BNC1: variants seen among roughly 807,000 people sequenced by gnomAD.
The protein encoded by BNC1 is basonuclin zinc finger protein 1, also known as zinc finger protein basonuclin-1.
In BNC1, 8 loss-of-function variants were observed where a neutral mutation model predicts 66.5. The observed-to-expected ratio is 0.12, with a 90% confidence interval of 0.07 to 0.22. The LOEUF (loss-of-function observed/expected upper bound fraction) is 0.22. Among genes scored for constraint, BNC1 ranks in the 10% least tolerant of loss-of-function variants. The pLI, the probability that BNC1 is intolerant of heterozygous loss-of-function variation, is 1.00. For missense variants in BNC1, 1,069 were observed against 1,241.3 expected (o/e 0.86, Z 2.09); for synonymous variants, 454 against 452.6 (o/e 1.00, Z -0.04).
At position 83,257,524 on chromosome 15, in the gene BNC1, G is replaced by A. The variant is rs968421847; in HGVS notation, c.2903C>T (p.Ser968Leu). Residue 968 changes from serine (S) to leucine (L), a missense_variant, in exon 5 of 5, where the codon TCG (serine) becomes TTG (leucine). Ser to Leu is a moderately radical substitution (Grantham distance 145, BLOSUM62 -2). Transcript: ENST00000345382. ...GTGTCTGTTTCGACTGCGAACAGACGAAAACATGGTGTTGCAGCCTGGTAC... is the reference window on the plus strand; with the variant it reads ...GTGTCTGTTTCGACTGCGAACAGACAAAAACATGGTGTTGCAGCCTGGTAC... ...CKVPGCNTMF[S>L]SVRSRNRHSQ... 25 of 1,614,082 alleles carry A rather than the reference G, an allele frequency of 1.5e-5. No individual in the cohort carries two copies. The highest frequency in any genetic ancestry group is 1.9e-5 in the Non-Finnish European group (23 of 1,180,042).
intron 1 of BNC1, among the ~76,000 whole-genome samples, chr15:83,270,281 C>A (rs1283249262): frequency 6.6e-6 from 1 of 152,206 alleles, no homozygotes; most frequent in Non-Finnish European, 1.5e-5. Flanking sequence ...AATTTTGGAA[C>A]ATTTTCATCT....
chr15:83,283,248 A>G (rs2038401190), intron 1 of BNC1: 4 of 1,535,300 alleles, frequency 2.6e-6, no homozygotes, highest in Non-Finnish European at 3.5e-6. Flanking sequence ...GCGCTGATTA[A>G]TATCAGATCT....
chr15:83,270,677 GTTGT>G (rs1716811283), intron 1 of BNC1, among the ~76,000 whole-genome samples: 1 of 151,956 alleles, frequency 6.6e-6, no homozygotes, highest in African/African-American at 2.4e-5. Context: ...TTTAAATTGG[GTTGT>G]TTACCTTTTT....
intron 2 of BNC1, 51 bp downstream of exon 2, chr15:83,268,082 G>C (rs774142893): frequency 6.8e-7 from 1 of 1,463,454 alleles, no homozygotes; most frequent in Non-Finnish European, 9.6e-7. Context: ...ATAACTCTAA[G>C]TTACTTAGAG....
chr15:83,272,394 C>CTTTTTTTTTTTTTTTTTTTTTT (rs750429207), intron 1 of BNC1, among the ~76,000 whole-genome samples: 4 of 122,724 alleles, frequency 3.3e-5, no homozygotes, highest in South Asian at 2.5e-4. Context: ...CCACACCTGG[C>CTTTTTTTTTTTTTTTTTTTTTT]TTTTTTTTTT....
At chr15:83,276,332 G>C (rs961208716) in intron 1 of BNC1, among the ~76,000 whole-genome samples, 7 of 152,202 alleles carry the variant, frequency 4.6e-5, no homozygotes, top group Non-Finnish European at 1.5e-5. Context: ...AATCATTCCT[G>C]CAAGAGGCAA....
chr15:83,274,928 T>C (rs1319322841), intron 1 of BNC1, among the ~76,000 whole-genome samples: 1 of 152,206 alleles, frequency 6.6e-6, no homozygotes, highest in African/African-American at 2.4e-5. Flanking sequence ...ACTACAGTTA[T>C]GGTTTCATTT....
chr15:83,270,574 T>C (rs1429366442), intron 1 of BNC1, among the ~76,000 whole-genome samples: 1 of 152,204 alleles, frequency 6.6e-6, no homozygotes, highest in Non-Finnish European at 1.5e-5. Context: ...TGCATTCCCC[T>C]GATGGCGAAT....
At chr15:83,280,980 A>G (rs2038371620) in intron 1 of BNC1, among the ~76,000 whole-genome samples, 1 of 152,116 alleles carries the variant, frequency 6.6e-6, no homozygotes, top group South Asian at 2.1e-4. Context: ...TCCTCCTGTG[A>G]TTTGTTAGGC....
chr15:83,260,715 C>T (rs2038130845), intron 4 of BNC1, among the ~76,000 whole-genome samples: 1 of 152,182 alleles, frequency 6.6e-6, no homozygotes, highest in African/African-American at 2.4e-5. Context: ...AATAAGCATC[C>T]AGGGTGTTGT....
At chr15:83,283,047 A>T in intron 1 of BNC1, 1 of 1,416,328 alleles carries the variant, frequency 7.1e-7, no homozygotes, top group Non-Finnish European at 9.6e-7. Flanking sequence ...GACGTTACCG[A>T]ACCCCCGAGC....
In BNC1 at chr15:83,263,154, A is replaced by C; in HGVS notation, c.2097T>G (p.Asp699Glu). The change falls in exon 4 of 5, where the codon GAT becomes GAG. Residue 699 changes from aspartate (D) to glutamate (E), a missense_variant. Around this residue, in one of 7 missense-constraint regions of BNC1, gnomAD observed 657 missense variants for 715.8 expected, o/e 0.92. Coordinates refer to ENST00000345382, the MANE Select transcript of BNC1 (RefSeq NM_001717.4). Reference protein sequence around the residue: ...NRGMAFPCLEDSKELEHVGQH... With the variant: ...NRGMAFPCLEESKELEHVGQH... ...GACCCACGTGCTCCAGTTCTTTAGA[A>C]TCTTCAAGACAAGGAAAAGCCATTC... 6.2e-7 allele frequency: 1 copy of C among 1,614,192 alleles called. No homozygotes were observed. Among genetic ancestry groups the C allele is most frequent in the Admixed American group, 1.7e-5 (1 of 60,020 alleles).
chr15:83,277,246 A>T (rs889179752), intron 1 of BNC1, among the ~76,000 whole-genome samples: 15 of 152,082 alleles, frequency 9.9e-5, no homozygotes, highest in South Asian at 2.1e-4. Flanking sequence ...GCTAATTTTT[A>T]AAAAAATGTT....
At position 83,257,837 on chromosome 15, in the gene BNC1, T is replaced by G; in HGVS notation, c.2590A>C (p.Met864Leu). The G allele has an allele frequency of 6.2e-7, 1 of 1,614,186 alleles. No individual in the cohort carries two copies. The highest frequency in any genetic ancestry group is 8.5e-7 in the Non-Finnish European group (1 of 1,180,036). The change falls in exon 5 of 5, where the codon ATG becomes CTG. Residue 864 changes from methionine to leucine, a missense_variant. Met to Leu is a conservative substitution (Grantham distance 15). This residue lies in a region of BNC1 where 657 missense variants were observed against 715.8 expected (regional missense o/e 0.92). Transcript: ENST00000345382. ...TILDLSTTSS[M>L]KSESSSHSSW... ...GAATGGCTGCTACTCTCTGACTTCA[T>G]GCTCGAGGTAGTGCTCAAATCCAGG...
At chr15:83,258,822 GAT>G (rs1263452976) in intron 4 of BNC1, among the ~76,000 whole-genome samples, 1 of 152,162 alleles carries the variant, frequency 6.6e-6, no homozygotes, top group Non-Finnish European at 1.5e-5. Flanking sequence ...TAATATTTTG[GAT>G]ATACTGAAGT....
In BNC1 at chr15:83,263,655, A is replaced by G; in HGVS notation, c.1596T>C (p.Leu532=). The change falls in exon 4 of 5, where the codon CTT becomes CTC. Residue 532 remains leucine (L), a synonymous_variant. Coordinates refer to ENST00000345382, the MANE Select transcript of BNC1 (RefSeq NM_001717.4). ...TGGACTTCCTGGATTTCTTCTTGGGAAGGGCATCAAATGGCATTTCGTTTG... is the reference window on the plus strand; with the variant it reads ...TGGACTTCCTGGATTTCTTCTTGGGGAGGGCATCAAATGGCATTTCGTTTG... The part of the protein sequence containing the change: ...LISNEMPFDA[L]PKKKSRKSSM... 1 of 1,614,202 alleles carries G rather than the reference A, an allele frequency of 6.2e-7. No homozygotes were observed. The highest frequency in any genetic ancestry group is 1.7e-5 in the Admixed American group (1 of 60,030).
intron 1 of BNC1, chr15:83,283,590 A>G: frequency 1.1e-6 from 1 of 872,252 alleles, no homozygotes; most frequent in Non-Finnish European, 1.4e-6. Flanking sequence ...CCCCTGAAGG[A>G]AGCGGCAGGC....
intron 4 of BNC1, among the ~76,000 whole-genome samples, chr15:83,261,339 A>G (rs1318476528): frequency 6.6e-6 from 1 of 152,190 alleles, no homozygotes. Flanking sequence ...GACAATAAGT[A>G]TGTTCTTATG....
chr15:83,256,583 A>C lies in BNC1; in HGVS notation c.*859T>G, dbSNP rs1426180105. On this transcript the variant is annotated 3_prime_UTR_variant, in exon 5 of 5. Coordinates refer to ENST00000345382, the MANE Select transcript of BNC1 (RefSeq NM_001717.4). ...TTGCATTCATTCCACAGGTGACCAA[A>C]AAGAACAGAGTTTGAAGTTCACCAA... 1.3e-5 allele frequency: 2 copies of C among 152,272 alleles called. No homozygotes were observed. The allele number at this position is 152,272 out of a possible 1,614,324, so 9.4% of individuals were successfully genotyped here. A position where few individuals can be genotyped will look rare whatever the true frequency, so the allele number is the denominator to read the frequency against.
Sources: allele counts gnomAD v4.1 joint callset (sites outside exome capture counted in the v4.1 genomes callset), GRCh38; gene constraint gnomAD v4.1.1; regional missense constraint gnomAD v4.1.1; transcripts MANE v1.5; gene names NCBI Gene and HGNC (gene_info 2026-07-23, HGNC 2026-07-21).